ATXN7L1: variants seen among roughly 807,000 people sequenced by gnomAD.
ATXN7L1 encodes ataxin 7 like 1.
A neutral mutation model predicts 70.8 loss-of-function variants in ATXN7L1; 15 were observed. That is an observed-to-expected ratio of 0.21 (90% CI 0.14 to 0.33). ATXN7L1 has a LOEUF of 0.33. Ranked by LOEUF, ATXN7L1 falls within the 10% of genes least tolerant of loss-of-function variation. ATXN7L1 has a pLI of 1.00. For synonymous variants in ATXN7L1, 440 were observed against 445.1 expected (o/e 0.99, Z 0.14); for missense variants, 975 against 1,097.1 (o/e 0.89, Z 1.57).
intron 1 of ATXN7L1, 47 bp from the exon 2 acceptor site, chr7:105,875,927 G>C: frequency 1.3e-6 from 2 of 1,576,094 alleles, no homozygotes; most frequent in Non-Finnish European, 1.7e-6. Flanking sequence ...GAAAAAAGGG[G>C]GGAAAAAAGC....
chr7:105,812,263 C>G (rs2116542843), intron 2 of ATXN7L1, among the ~76,000 whole-genome samples: 1 of 152,332 alleles, frequency 6.6e-6, no homozygotes, highest in Non-Finnish European at 1.5e-5. Flanking sequence ...AAATGGGACT[C>G]TTCTGGCAGC....
At chr7:105,774,641 C>T (rs964140820) in intron 3 of ATXN7L1, among the ~76,000 whole-genome samples, 2 of 152,084 alleles carry the variant, frequency 1.3e-5, no homozygotes, top group Non-Finnish European at 2.9e-5. Context: ...TGTGAACCAC[C>T]GCGCCCGGCC....
intron 7 of ATXN7L1, among the ~76,000 whole-genome samples, chr7:105,626,344 C>A (rs112122906): frequency 0.019 from 2,915 of 152,218 alleles, 31 homozygotes; most frequent in Non-Finnish European, 0.029. Flanking sequence ...CAAGAGTTAT[C>A]AGGAGTTGGA....
chr7:105,822,436 C>T (rs1291171650), intron 2 of ATXN7L1, among the ~76,000 whole-genome samples: 1 of 152,204 alleles, frequency 6.6e-6, no homozygotes, highest in Non-Finnish European at 1.5e-5. Context: ...GGATGAGAGA[C>T]TTTCACTGTT....
At chr7:105,788,397 A>T in intron 3 of ATXN7L1, 1 of 548,548 alleles carries the variant, frequency 1.8e-6, no homozygotes, top group Non-Finnish European at 3.3e-6. Context: ...GTTTTCTCTC[A>T]TTTGTTCTGA....
At chr7:105,848,002 T>C (rs778922919) in intron 2 of ATXN7L1, among the ~76,000 whole-genome samples, 2 of 152,124 alleles carry the variant, frequency 1.3e-5, no homozygotes, top group African/African-American at 2.4e-5. Context: ...GTGATCCAAA[T>C]ATGACAGACA....
intron 3 of ATXN7L1, among the ~76,000 whole-genome samples, chr7:105,726,061 C>T (rs1380298766): frequency 2.0e-5 from 3 of 151,694 alleles, no homozygotes; most frequent in Non-Finnish European, 4.4e-5. Context: ...ACCACCACAC[C>T]CAGCTAATTT....
At chr7:105,870,991 G>A (rs1369940893) in intron 2 of ATXN7L1, among the ~76,000 whole-genome samples, 1 of 151,816 alleles carries the variant, frequency 6.6e-6, no homozygotes, top group African/African-American at 2.4e-5. Flanking sequence ...TGTATGAGAT[G>A]CAGTGATTTT....
intron 3 of ATXN7L1, among the ~76,000 whole-genome samples, chr7:105,700,377 T>C (rs1287534476): frequency 2.0e-5 from 3 of 151,694 alleles, no homozygotes; most frequent in Non-Finnish European, 4.4e-5. Flanking sequence ...CGTGGTGGCA[T>C]GCTCCTGTTG....
intron 3 of ATXN7L1, among the ~76,000 whole-genome samples, chr7:105,711,123 G>A (rs1793860485): frequency 1.3e-5 from 2 of 152,140 alleles, no homozygotes; most frequent in African/African-American, 4.8e-5. Context: ...ACAATTCAAG[G>A]TGAGATTTGG....
intron 3 of ATXN7L1, among the ~76,000 whole-genome samples, chr7:105,678,480 C>T (rs2116145072): frequency 6.6e-6 from 1 of 152,262 alleles, no homozygotes; most frequent in East Asian, 1.9e-4. Flanking sequence ...TGTGCATGCA[C>T]TGGACAAGGA....
chr7:105,777,592 C>G (rs993493050), intron 3 of ATXN7L1, among the ~76,000 whole-genome samples: 1 of 152,222 alleles, frequency 6.6e-6, no homozygotes, highest in African/African-American at 2.4e-5. Context: ...CCAATCCATT[C>G]TGTCAGCAAA....
chr7:105,725,906 T>C lies in ATXN7L1; in HGVS notation c.356-60618A>G, dbSNP rs549869546. ...TCCATTTCTTTTTTCTTTCTTTCTT[T>C]TTTTTTTTTTTTTTGAGACAGAGTC... is the stretch of plus-strand genomic sequence containing the variant. On this transcript the variant is annotated intron_variant, in intron 3 of 11. Coordinates refer to ENST00000419735, the MANE Select transcript of ATXN7L1 (RefSeq NM_020725.2). 6.6e-3 allele frequency among the ~76,000 whole-genome samples: 970 copies of C among 146,988 alleles called. 6 individuals carry two copies. The highest frequency in any genetic ancestry group is 9.9e-3 in the Non-Finnish European group (655 of 66,312).
chr7:105,656,193 C>T (rs1174042037), intron 4 of ATXN7L1, among the ~76,000 whole-genome samples: 4 of 152,242 alleles, frequency 2.6e-5, no homozygotes, highest in South Asian at 2.1e-4. Flanking sequence ...CTGGCTGACT[C>T]GGTCACTGTG....
chr7:105,617,175 C>T (rs559164935), intron 9 of ATXN7L1, among the ~76,000 whole-genome samples: 1 of 152,162 alleles, frequency 6.6e-6, no homozygotes, highest in Non-Finnish European at 1.5e-5. Context: ...TACAGGCACC[C>T]GCCACCAGGC....
intron 4 of ATXN7L1, among the ~76,000 whole-genome samples, chr7:105,662,018 C>CTT (rs1801688933): frequency 4.0e-5 from 2 of 49,834 alleles, no homozygotes; most frequent in Non-Finnish European, 8.4e-5. Flanking sequence ...TCTTTTCTTT[C>CTT]TTTCTTTCTT....
chr7:105,721,321 G>A (rs1394507859), intron 3 of ATXN7L1, among the ~76,000 whole-genome samples: 1 of 152,196 alleles, frequency 6.6e-6, no homozygotes, highest in Non-Finnish European at 1.5e-5. Context: ...AAAAAGGGGA[G>A]AAACTGAAGG....
At position 105,667,677 on chromosome 7, in the gene ATXN7L1, C is replaced by T. The variant is rs534399494; in HGVS notation, c.356-2389G>A. 6.0e-3 allele frequency among the ~76,000 whole-genome samples: 490 copies of T among 81,818 alleles called. 23 individuals are homozygous for T. The highest frequency in any genetic ancestry group is 0.017 in the African/African-American group (462 of 26,740). 53.7% of individuals were successfully genotyped at this position (81,818 alleles called of 152,430 possible). Reference sequence around the variant, plus strand: ...TCCCGCCACTGCACTCCAGCCTGGGCGACAGAGCGAGACTCCGTCTCAAAA... The same window carrying T: ...TCCCGCCACTGCACTCCAGCCTGGGTGACAGAGCGAGACTCCGTCTCAAAA... On this transcript the variant is annotated intron_variant, in intron 3 of 11. Transcript: ENST00000419735.
At chr7:105,746,382 A>G (rs1798591716) in intron 3 of ATXN7L1, among the ~76,000 whole-genome samples, 1 of 152,162 alleles carries the variant, frequency 6.6e-6, no homozygotes, top group African/African-American at 2.4e-5. Flanking sequence ...TGAGCAGTCA[A>G]TCTCTTTTCT....
Sources: gnomAD v4.1 joint callset for allele counts (sites outside exome capture counted in the v4.1 genomes callset) on GRCh38, gnomAD v4.1.1 for gene constraint, MANE v1.5 for transcripts, NCBI Gene and HGNC (gene_info 2026-07-23, HGNC 2026-07-21) for gene names.